The following RHPN2 variants were observed in gnomAD, a reference collection of about 807,000 sequenced individuals.
RHPN2 encodes rhophilin-2.
RHPN2 carries 40 observed loss-of-function variants against 79.0 expected under a neutral mutation model. That is an observed-to-expected ratio of 0.51 (90% CI 0.39 to 0.66). The LOEUF is 0.66. RHPN2 is among the 30% of genes least tolerant of loss of function. The pLI is 0.00. For synonymous variants in RHPN2, 285 were observed against 363.5 expected (o/e 0.78, Z 2.46); for missense variants, 686 against 883.5 (o/e 0.78, Z 2.83).
chr19:33,049,988 A>G (rs1972174054), intron 1 of RHPN2, among the ~76,000 whole-genome samples: 1 of 151,066 alleles, frequency 6.6e-6, no homozygotes, highest in Non-Finnish European at 1.5e-5. Context: ...ATGCCAGCCC[A>G]CTCTCCCGCC....
chr19:32,988,672 G>C (rs1251446944), intron 14 of RHPN2, among the ~76,000 whole-genome samples: 1 of 151,934 alleles, frequency 6.6e-6, no homozygotes, highest in Non-Finnish European at 1.5e-5. Context: ...GGTAGGAGAA[G>C]CTTATTCTGC....
At chr19:32,987,493 T>G (rs930268954) in intron 14 of RHPN2, among the ~76,000 whole-genome samples, 4 of 152,178 alleles carry the variant, frequency 2.6e-5, no homozygotes, top group African/African-American at 9.7e-5. Flanking sequence ...GACCTCATTC[T>G]CCACCACTCA....
chr19:32,999,846 C>G (rs1158240135), intron 9 of RHPN2, 141 bp from the exon 10 acceptor site: 2 of 1,067,560 alleles, frequency 1.9e-6, no homozygotes, highest in East Asian at 3.1e-5. Flanking sequence ...TTTCTGCCCC[C>G]GGACACACCC....
Position 33,026,645 on chromosome 19 carries a change from A to G in RHPN2, c.186-13T>C. 2 of 1,603,438 alleles carry G rather than the reference A, an allele frequency of 1.2e-6. No individual in the cohort carries two copies. Among genetic ancestry groups the G allele is most frequent in the Non-Finnish European group, 1.7e-6 (2 of 1,178,012 alleles). ...GTTTGTGGCCACTCTGTTCAAAGAGAAGAGGGAGAGAAGTGCCCTCAGCCA... is the reference window on the plus strand; with the variant it reads ...GTTTGTGGCCACTCTGTTCAAAGAGGAGAGGGAGAGAAGTGCCCTCAGCCA... On this transcript the variant is annotated splice_polypyrimidine_tract_variant and intron_variant, in intron 2 of 14. Coordinates refer to ENST00000254260, the MANE Select transcript of RHPN2 (RefSeq NM_033103.5).
At position 33,064,799 on chromosome 19, in the gene RHPN2, G is replaced by T. The variant is rs1972314080; in HGVS notation, c.54C>A (p.Asp18Glu). 3 of 1,308,994 alleles carry T rather than the reference G, an allele frequency of 2.3e-6. No individual in the cohort carries two copies. The highest frequency in any genetic ancestry group is 3.0e-6 in the Non-Finnish European group (3 of 1,012,104). 81.1% of individuals were successfully genotyped at this position (1,308,994 alleles called of 1,614,324 possible). Residue 18 changes from aspartate (D) to glutamate (E), a missense_variant, in exon 1 of 15, where the codon GAC becomes GAA. Asp to Glu is a conservative substitution (Grantham distance 45, BLOSUM62 2). Coordinates refer to ENST00000254260, the MANE Select transcript of RHPN2 (RefSeq NM_033103.5). Reference sequence around the variant, plus strand: ...AGCCGCCCACCTTCCGAAAGTAGCCGTCGTTCTCCTTCTCCAGCGGCTGGG... The same window carrying T: ...AGCCGCCCACCTTCCGAAAGTAGCCTTCGTTCTCCTTCTCCAGCGGCTGGG... ...AAPQPLEKENDGYFRKGCNPL... is the reference protein window; with the variant it reads ...AAPQPLEKENEGYFRKGCNPL...
At chr19:33,039,843 GAA>G (rs11321994) in intron 2 of RHPN2, among the ~76,000 whole-genome samples, 9 of 89,408 alleles carry the variant, frequency 1.0e-4, no homozygotes, top group East Asian at 2.7e-4. Context: ...GTCTCAAAAA[GAA>G]AAAAAAAAAA....
At position 32,996,042 on chromosome 19, in the gene RHPN2, G is replaced by A. The variant is rs766920434; in HGVS notation, c.1404C>T (p.Asp468=). ...QEEDDLLNLI[D]APSVVAKTEQ... ...GCTACTCACCAACAACACTGGGGGC[G>A]TCGATCAGGTTCAGCAGGTCATCCT... The change falls in exon 11 of 15, where the codon GAC becomes GAT. Residue 468 remains aspartate, a synonymous_variant. Transcript: ENST00000254260. 63 of 1,613,890 alleles carry A rather than the reference G, an allele frequency of 3.9e-5. No individual in the cohort carries two copies. The highest frequency in any genetic ancestry group is 2.3e-4 in the Admixed American group (14 of 60,002).
chr19:33,045,467 T>A (rs1329333958), intron 1 of RHPN2, among the ~76,000 whole-genome samples: 1 of 151,852 alleles, frequency 6.6e-6, no homozygotes, highest in East Asian at 1.9e-4. Context: ...TACAGAACCA[T>A]CAGTGCTATC....
rs1443950653 is a variant in RHPN2 at position 33,002,259 on chromosome 19, T to C, written c.1093A>G (p.Ile365Val). The C allele has an allele frequency of 6.2e-7, 1 of 1,613,030 alleles. No homozygotes were observed. The highest frequency in any genetic ancestry group is 8.5e-7 in the Non-Finnish European group (1 of 1,179,738). ...LAHYFTAILL[I>V]DHQVKPGTDL... is the part of the protein sequence containing the mutation. Reference sequence around the variant, plus strand: ...CCCCAGGCCTTACCCTGGTGGTCGATGAGGAGGATGGCAGTGAAGTAGTGG... The same window carrying C: ...CCCCAGGCCTTACCCTGGTGGTCGACGAGGAGGATGGCAGTGAAGTAGTGG... Residue 365 changes from isoleucine to valine, a missense_variant, in exon 9 of 15, where the codon ATC (isoleucine) becomes GTC (valine). Ile to Val is a conservative substitution (Grantham distance 29, BLOSUM62 3). Transcript: ENST00000254260.
At position 33,001,408 on chromosome 19, in the gene RHPN2, G is replaced by A. The variant is rs572080492; in HGVS notation, c.1105+839C>T. Among the ~76,000 whole-genome samples the A allele has an allele frequency of 7.2e-5, 11 of 152,188 alleles. No homozygotes were observed. In the South Asian group the frequency reaches 1.9e-3, roughly 26 times the overall value. On this transcript the variant is annotated intron_variant, in intron 9 of 14. Transcript: ENST00000254260. ...ATTTTTTTTAATTAACTGGTGTAGT[G>A]GCATGTGCCTGTATTCCCAGCTATT...
At chr19:33,029,138 C>A (rs2145251900) in intron 2 of RHPN2, among the ~76,000 whole-genome samples, 1 of 150,522 alleles carries the variant, frequency 6.6e-6, no homozygotes, top group South Asian at 2.1e-4. Context: ...AAAACTCCAT[C>A]CCCAAAAAAA....
chr19:33,064,653 C>T (rs1385551445), intron 1 of RHPN2, 131 bp downstream of exon 1: 2 of 940,284 alleles, frequency 2.1e-6, no homozygotes, highest in African/African-American at 3.5e-5. Context: ...CGGCCAGCGC[C>T]GGCCCAGTGC....
At chr19:33,053,748 A>G (rs1972208685) in intron 1 of RHPN2, among the ~76,000 whole-genome samples, 2 of 151,958 alleles carry the variant, frequency 1.3e-5, no homozygotes, top group East Asian at 3.9e-4. Flanking sequence ...ATTTTTTACT[A>G]GAGACGTGGT....
intron 2 of RHPN2, among the ~76,000 whole-genome samples, chr19:33,041,217 T>C (rs533972550): frequency 1.6e-4 from 25 of 152,136 alleles, no homozygotes; most frequent in African/African-American, 6.0e-4. Context: ...TTCCAACAGA[T>C]CTACTTTCCT....
In RHPN2 at chr19:33,003,005, A is replaced by G; in HGVS notation, c.761-5T>C. The G allele has an allele frequency of 6.2e-7, 1 of 1,613,390 alleles. No homozygotes were observed. The highest frequency in any genetic ancestry group is 1.7e-4 in the Middle Eastern group (1 of 6,056). On this transcript the variant is annotated splice_polypyrimidine_tract_variant and splice_region_variant and intron_variant, in intron 7 of 14. Coordinates refer to ENST00000254260, the MANE Select transcript of RHPN2 (RefSeq NM_033103.5). ...CTTTCAGGTAATTTAAAACCCCTAA[A>G]AGTGGAAAATGTTTTGCCCATTAGT...
intron 10 of RHPN2, among the ~76,000 whole-genome samples, chr19:32,997,477 GAC>G (rs1971711636): frequency 1.7e-5 from 2 of 120,448 alleles, no homozygotes; most frequent in African/African-American, 7.2e-5. Flanking sequence ...TATGATGGGT[GAC>G]AGAGAAAGGC....
chr19:32,984,573 C>T (rs1971600711), intron 14 of RHPN2, among the ~76,000 whole-genome samples: 2 of 151,952 alleles, frequency 1.3e-5, no homozygotes, highest in African/African-American at 4.8e-5. Flanking sequence ...GCAGGAGAAT[C>T]GCTTGAACCC....
chr19:33,031,497 A>G (rs1371411167), intron 2 of RHPN2, among the ~76,000 whole-genome samples: 3 of 151,944 alleles, frequency 2.0e-5, no homozygotes, highest in Admixed American at 6.6e-5. Context: ...CGCCTGCCTC[A>G]GGCTTCCAAA....
rs139031485 is a variant in RHPN2, at chr19:33,018,434, G to A, written c.390+3137C>T. Among the ~76,000 whole-genome samples, 1,418 of 152,266 alleles carry A rather than the reference G, an allele frequency of 9.3e-3. 28 individuals carry two copies. The highest frequency in any genetic ancestry group is 0.032 in the African/African-American group (1,328 of 41,562). On this transcript the variant is annotated intron_variant, in intron 4 of 14. Coordinates refer to ENST00000254260, the MANE Select transcript of RHPN2 (RefSeq NM_033103.5). Reference sequence around the variant, plus strand: ...TCCTCTTGCCTCAGCCTCCCAAAGTGCTAAGATTATAGGCATGAGCCATTG... The same window carrying A: ...TCCTCTTGCCTCAGCCTCCCAAAGTACTAAGATTATAGGCATGAGCCATTG...
Sources: allele counts gnomAD v4.1 joint callset (sites outside exome capture counted in the v4.1 genomes callset), GRCh38; gene constraint gnomAD v4.1.1; transcripts MANE v1.5; gene names NCBI Gene and HGNC (gene_info 2026-07-23, HGNC 2026-07-21).